The following KCNQ5 variants were observed in gnomAD, a reference collection of about 807,000 sequenced individuals.
KCNQ5 encodes potassium voltage-gated channel subfamily KQT member 5.
In KCNQ5, 30 loss-of-function variants were observed where a neutral mutation model predicts 98.2. The ratio of observed to expected loss-of-function variants is 0.31; its 90% CI spans 0.23 to 0.41. The LOEUF (loss-of-function observed/expected upper bound fraction) is 0.41. Among genes scored for constraint, KCNQ5 ranks in the 10% least tolerant of loss-of-function variants. The pLI is 1.00. For missense variants in KCNQ5, 835 were observed against 1,182.5 expected, an observed-to-expected ratio of 0.71 and a Z score of 4.31; for synonymous variants, 458 against 449.4, an observed-to-expected ratio of 1.02 and a Z score of -0.24.
At chr6:72,967,984 C>T (rs1485415739) in intron 1 of KCNQ5, among the ~76,000 whole-genome samples, 1 of 152,110 alleles carries the variant, frequency 6.6e-6, no homozygotes, top group Non-Finnish European at 1.5e-5. Context: ...CCTTCTTGAC[C>T]CTCACTGTCT....
intron 1 of KCNQ5, among the ~76,000 whole-genome samples, chr6:72,783,713 A>G (rs1015728051): frequency 1.3e-5 from 2 of 152,220 alleles, no homozygotes; most frequent in Non-Finnish European, 2.9e-5. Flanking sequence ...ACATTACCCA[A>G]TGTCACCTGG....
intron 8 of KCNQ5, 46 bp from the exon 9 acceptor site, chr6:73,124,440 T>C (rs773685691): frequency 1.9e-6 from 3 of 1,598,076 alleles, no homozygotes; most frequent in Admixed American, 1.7e-5. Flanking sequence ...TATAAATATA[T>C]TCACTGGTTT....
At chr6:72,739,449 T>C (rs1582201000) in intron 1 of KCNQ5, among the ~76,000 whole-genome samples, 1 of 152,178 alleles carries the variant, frequency 6.6e-6, no homozygotes, top group Admixed American at 6.5e-5. Context: ...TCCTGTTCTA[T>C]CAATGACCTT....
chr6:72,733,079 A>T (rs1770637891), intron 1 of KCNQ5, among the ~76,000 whole-genome samples: 1 of 152,222 alleles, frequency 6.6e-6, no homozygotes, highest in South Asian at 2.1e-4. Context: ...GGACATTCAC[A>T]TGGGACTAGA....
intron 1 of KCNQ5, among the ~76,000 whole-genome samples, chr6:72,953,867 A>T (rs1766920305): frequency 6.6e-6 from 1 of 152,190 alleles, no homozygotes; most frequent in Non-Finnish European, 1.5e-5. Flanking sequence ...TGAGAAAATG[A>T]AGTGACTGGA....
At chr6:72,962,892 T>TTTTG (rs1240411320) in intron 1 of KCNQ5, among the ~76,000 whole-genome samples, 2 of 152,166 alleles carry the variant, frequency 1.3e-5, no homozygotes, top group Non-Finnish European at 2.9e-5. Context: ...CATTTAGGAA[T>TTTTG]TTTGTTACCT....
intron 1 of KCNQ5, among the ~76,000 whole-genome samples, chr6:72,756,539 TAG>T (rs975276891): frequency 3.9e-5 from 6 of 152,144 alleles, no homozygotes; most frequent in Admixed American, 3.9e-4. Flanking sequence ...TAGTAAGTTG[TAG>T]AGTTTTTGTT....
At chr6:72,969,836 C>G (rs1397067455) in intron 1 of KCNQ5, among the ~76,000 whole-genome samples, 1 of 152,108 alleles carries the variant, frequency 6.6e-6, no homozygotes, top group African/African-American at 2.4e-5. Flanking sequence ...CTAAACACTC[C>G]CAGGAATTCA....
intron 1 of KCNQ5, among the ~76,000 whole-genome samples, chr6:72,723,887 G>A (rs2207265): frequency 0.5 from 76,476 of 151,942 alleles, 22,554 homozygotes; most frequent in African/African-American, 0.82. Flanking sequence ...ATTGTAGCTA[G>A]TTTGAATTCA....
chr6:72,941,537 T>TC (rs1221730933), intron 1 of KCNQ5, among the ~76,000 whole-genome samples: 9 of 103,132 alleles, frequency 8.7e-5, no homozygotes, highest in East Asian at 3.6e-4. Flanking sequence ...CCTCCTTCCC[T>TC]CCTTCCTTTC....
At chr6:72,834,497 T>C (rs1191231413) in intron 1 of KCNQ5, among the ~76,000 whole-genome samples, 3 of 152,166 alleles carry the variant, frequency 2.0e-5, no homozygotes, top group Non-Finnish European at 4.4e-5. Flanking sequence ...AATATAGGAA[T>C]TGATTTTGAT....
intron 1 of KCNQ5, among the ~76,000 whole-genome samples, chr6:72,728,215 A>G (rs1231771229): frequency 2.0e-5 from 3 of 152,196 alleles, no homozygotes; most frequent in Admixed American, 6.5e-5. Flanking sequence ...CTAGATCACA[A>G]TTATTCGCAT....
intron 5 of KCNQ5, among the ~76,000 whole-genome samples, chr6:73,093,568 C>T (rs750992241): frequency 2.0e-5 from 3 of 152,038 alleles, no homozygotes; most frequent in Non-Finnish European, 4.4e-5. Flanking sequence ...TTCTTAGCAT[C>T]GCCTTTGCTG....
chr6:73,178,967 T>C (rs959265395), intron 11 of KCNQ5, among the ~76,000 whole-genome samples: 2 of 152,210 alleles, frequency 1.3e-5, no homozygotes, highest in Admixed American at 1.3e-4. Context: ...CTGCTGGATT[T>C]GTCCCGTGAT....
chr6:73,105,112 A>G, intron 5 of KCNQ5, 145 bp from the exon 6 acceptor site: 2 of 500,578 alleles, frequency 4.0e-6, no homozygotes, highest in South Asian at 7.1e-5. Flanking sequence ...GTCATGCGTC[A>G]TGGAAAATTA....
At chr6:72,886,541 TTTCCAGAATTGAAGAGA>T (rs1348143679) in intron 1 of KCNQ5, among the ~76,000 whole-genome samples, 2 of 152,096 alleles carry the variant, frequency 1.3e-5, no homozygotes, top group African/African-American at 4.8e-5. Flanking sequence ...TATTAAGAAA[TTTCCAGAATTGAAGAGA>T]AACAGCAGTT....
chr6:72,778,263 G>A (rs546098978), intron 1 of KCNQ5, among the ~76,000 whole-genome samples: 15 of 152,142 alleles, frequency 9.9e-5, no homozygotes, highest in Non-Finnish European at 1.3e-4. Context: ...CAGGCCAGGC[G>A]CAGTGGCTCA....
At chr6:72,986,332 G>A in intron 1 of KCNQ5, 2 of 357,370 alleles carry the variant, frequency 5.6e-6, no homozygotes, top group Non-Finnish European at 5.2e-6. Flanking sequence ...TCATGTGGAG[G>A]TGGGGAAGTT....
chr6:72,854,650 AT>A (rs1301151123), intron 1 of KCNQ5, among the ~76,000 whole-genome samples: 6 of 150,640 alleles, frequency 4.0e-5, no homozygotes, highest in Admixed American at 1.3e-4. Flanking sequence ...CTTTTTTATA[AT>A]GTCAAAACAT....
Sources: gnomAD v4.1 joint callset for allele counts (sites outside exome capture counted in the v4.1 genomes callset) on GRCh38, gnomAD v4.1.1 for gene constraint, MANE v1.5 for transcripts, NCBI Gene and HGNC (gene_info 2026-07-23, HGNC 2026-07-21) for gene names.